The following HSPA14 variants were observed in gnomAD, a reference collection of about 807,000 sequenced individuals.
The protein encoded by HSPA14 is heat shock 70 kDa protein 14.
Under a neutral mutation model 65.5 loss-of-function variants are expected in HSPA14, and 37 were observed. The ratio of observed to expected loss-of-function variants is 0.56; its 90% CI spans 0.43 to 0.74. HSPA14 has a LOEUF of 0.74. HSPA14 is among the 30% of genes least tolerant of loss of function. HSPA14 has a pLI of 0.00. For missense variants in HSPA14, 564 were observed against 607.6 expected, an observed-to-expected ratio of 0.93 and a Z score of 0.75; for synonymous variants, 203 against 214.2, an observed-to-expected ratio of 0.95 and a Z score of 0.46.
At chr10:14,852,607 AT>A (rs1834116915) in intron 8 of HSPA14, 76 bp downstream of exon 8, 4 of 1,182,814 alleles carry the variant, frequency 3.4e-6, no homozygotes, top group Non-Finnish European at 3.5e-6. Context: ...TTCCTAATTT[AT>A]TTTAAGTTAT....
chr10:14,845,576 C>G, intron 3 of HSPA14: 2 of 962,604 alleles, frequency 2.1e-6, no homozygotes, highest in Non-Finnish European at 2.5e-6. Context: ...AGACAAATCA[C>G]TTGCCCTTTT....
At chr10:14,858,361 A>C (rs1021828754) in intron 10 of HSPA14, among the ~76,000 whole-genome samples, 1 of 152,192 alleles carries the variant, frequency 6.6e-6, no homozygotes, top group Admixed American at 6.5e-5. Flanking sequence ...TTTTTGTTAG[A>C]GATTCCCTCT....
At position 14,842,744 on chromosome 10, in the gene HSPA14, A is replaced by C; in HGVS notation, c.221+2587A>C. On this transcript the variant is annotated intron_variant, in intron 3 of 13. Transcript: ENST00000378372. This position sits in a 1 kb window ranked among gnomAD's most constrained non-coding sequence, Gnocchi z 5.2. ...GGCAGCTGATCATCAGCCTATCTTG[A>C]AAACAGTTAAGGCATCAGATGAGGA... 6.5e-7 allele frequency: 1 copy of C among 1,536,578 alleles called. No individual in the cohort carries two copies. The highest frequency in any genetic ancestry group is 8.7e-7 in the Non-Finnish European group (1 of 1,146,988).
In HSPA14 at chr10:14,867,833, G is replaced by A; in HGVS notation, c.1304G>A (p.Ser435Asn). The change falls in exon 12 of 14, where the codon AGC (serine) becomes AAC (asparagine). Residue 435 changes from serine to asparagine, a missense_variant. Physicochemically the swap from Ser to Asn is conservative, Grantham distance 46 (BLOSUM62 1). Coordinates refer to ENST00000378372, the MANE Select transcript of HSPA14 (RefSeq NM_016299.4). ...RRQHTLQAPG[S>N]ISSVCLELYE... ...CAACACACATTGCAAGCCCCTGGAA[G>A]CATATCTTCAGTGTGCCTTGAACTC... The A allele has an allele frequency of 1.2e-6, 2 of 1,614,138 alleles. No homozygotes were observed. The highest frequency in any genetic ancestry group is 1.7e-6 in the Non-Finnish European group (2 of 1,180,010).
Position 14,867,857 on chromosome 10 carries a change from T to G in HSPA14, c.1328T>G (p.Leu443Arg). 6.2e-7 allele frequency: 1 copy of G among 1,614,106 alleles called. No homozygotes were observed. Among genetic ancestry groups the G allele is most frequent in the East Asian group, 2.2e-5 (1 of 44,882 alleles). Reference sequence around the variant, plus strand: ...AGCATATCTTCAGTGTGCCTTGAACTCTATGAGTCTGATGGGAAGAACTCT... The same window carrying G: ...AGCATATCTTCAGTGTGCCTTGAACGCTATGAGTCTGATGGGAAGAACTCT... Reference protein sequence around the residue: ...PGSISSVCLELYESDGKNSAK... With the variant: ...PGSISSVCLERYESDGKNSAK... Residue 443 changes from leucine to arginine, a missense_variant, in exon 12 of 14, where the codon CTC (leucine) becomes CGC (arginine). Coordinates refer to ENST00000378372, the MANE Select transcript of HSPA14 (RefSeq NM_016299.4).
At position 14,849,795 on chromosome 10, in the gene HSPA14, C is replaced by G; in HGVS notation, c.451C>G (p.Gln151Glu). Reference sequence around the variant, plus strand: ...TGTCCCGTTTGATTTTGGAGAAAAGCAAAAAAATGCTCTTGGGTAAGTATA... The same window carrying G: ...TGTCCCGTTTGATTTTGGAGAAAAGGAAAAAAATGCTCTTGGGTAAGTATA... Reference protein sequence around the residue: ...ITVPFDFGEKQKNALGEAARA... With the variant: ...ITVPFDFGEKEKNALGEAARA... Residue 151 changes from glutamine to glutamate, a missense_variant, in exon 6 of 14, where the codon CAA becomes GAA. Physicochemically the swap from Gln to Glu is conservative, Grantham distance 29. Transcript: ENST00000378372. 1.1e-5 allele frequency: 17 copies of G among 1,607,444 alleles called. No homozygotes were observed. The highest frequency in any genetic ancestry group is 1.4e-5 in the Non-Finnish European group (17 of 1,175,920).
At chr10:14,839,105 A>G (rs1025077600) in intron 1 of HSPA14, among the ~76,000 whole-genome samples, 7 of 152,204 alleles carry the variant, frequency 4.6e-5, no homozygotes, top group African/African-American at 9.6e-5. Flanking sequence ...TGCGTGGTCT[A>G]CAGAGGTGGC....
At chr10:14,838,710 C>T in intron 1 of HSPA14, 1 of 467,786 alleles carries the variant, frequency 2.1e-6, no homozygotes, top group South Asian at 3.3e-5. Flanking sequence ...GGCGTCATGG[C>T]GGCGGGATGC....
In HSPA14 at chr10:14,852,478, T is replaced by C. The variant is rs1235257690; in HGVS notation, c.681T>C (p.Gly227=). 7.4e-6 allele frequency: 12 copies of C among 1,614,056 alleles called. No homozygotes were observed. The highest frequency in any genetic ancestry group is 1.0e-5 in the Non-Finnish European group (12 of 1,179,924). The change falls in exon 8 of 14, where the codon GGT becomes GGC. Residue 227 remains glycine (G), a synonymous_variant. Transcript: ENST00000378372. Reference sequence around the variant, plus strand: ...CAACAAACACTGATGATAACATCGGTGGTGCACATTTCACAGAAACCTTAG... The same window carrying C: ...CAACAAACACTGATGATAACATCGGCGGTGCACATTTCACAGAAACCTTAG... ...VLSTNTDDNI[G]GAHFTETLAQ...
intron 8 of HSPA14, among the ~76,000 whole-genome samples, chr10:14,853,084 TAAA>T (rs538080301): frequency 1.4e-5 from 2 of 141,710 alleles, no homozygotes; most frequent in African/African-American, 2.6e-5. Flanking sequence ...ACTGCTGCTC[TAAA>T]AAAAAAAAAA....
intron 12 of HSPA14, among the ~76,000 whole-genome samples, chr10:14,869,180 T>C (rs1175160203): frequency 6.6e-6 from 1 of 152,078 alleles, no homozygotes; most frequent in Admixed American, 6.6e-5. Context: ...GCCTAGCTTT[T>C]TTGAGAAGAC....
chr10:14,838,333 C>A lies in HSPA14; in HGVS notation c.-70C>A. 1 of 1,471,614 alleles carries A rather than the reference C, an allele frequency of 6.8e-7. No homozygotes were observed. Among genetic ancestry groups the A allele is most frequent in the Non-Finnish European group, 9.2e-7 (1 of 1,081,932 alleles). The allele number at this position is 1,471,614 out of a possible 1,614,324, so 91.2% of individuals were successfully genotyped here. A position where few individuals can be genotyped will look rare whatever the true frequency, so the allele number is the denominator to read the frequency against. ...GAAGCTCCGCGGTGCCTGATGGGGC[C>A]GTTGGGCGGCCGGTAGCTGTTGCTG... On this transcript the variant is annotated 5_prime_UTR_variant, in exon 1 of 14. Transcript: ENST00000378372.
At chr10:14,847,538 C>T (rs1458896123) in intron 3 of HSPA14, among the ~76,000 whole-genome samples, 2 of 152,160 alleles carry the variant, frequency 1.3e-5, no homozygotes, top group Admixed American at 6.5e-5. Flanking sequence ...AGCTACTTAC[C>T]TCTTGTCCTA....
intron 3 of HSPA14, chr10:14,843,468 G>A (rs567409809): frequency 4.8e-5 from 74 of 1,550,620 alleles, no homozygotes; most frequent in Non-Finnish European, 6.5e-5. Context: ...GACTGGGTGT[G>A]TCCGGGGAGC....
intron 10 of HSPA14, among the ~76,000 whole-genome samples, chr10:14,859,246 G>A (rs1832732377): frequency 6.6e-6 from 1 of 152,178 alleles, no homozygotes. Context: ...TGAGGGAGAA[G>A]CTGGGGGTGG....
At chr10:14,853,483 C>T (rs574441496) in intron 8 of HSPA14, among the ~76,000 whole-genome samples, 41 of 152,264 alleles carry the variant, frequency 2.7e-4, no homozygotes, top group African/African-American at 9.6e-4. Flanking sequence ...CTCTGTGTCT[C>T]ACCTGGAAAA....
chr10:14,839,806 GT>G, intron 1 of HSPA14, 98 bp from the exon 2 acceptor site: 1 of 755,266 alleles, frequency 1.3e-6, no homozygotes, highest in Non-Finnish European at 2.1e-6. Flanking sequence ...TGAGATAGCA[GT>G]TTTTCTTTCC....
rs1406998267 is a variant in HSPA14, at chr10:14,838,360, T to A, written c.-43T>A. On this transcript the variant is annotated 5_prime_UTR_variant, in exon 1 of 14. Transcript: ENST00000378372. ...TTGGGCGGCCGGTAGCTGTTGCTGT[T>A]GGGGGACCCCCTCATTCCTGCCGCT... 1.3e-6 allele frequency: 2 copies of A among 1,568,238 alleles called. No homozygotes were observed.
At chr10:14,845,146 A>G in intron 3 of HSPA14, 1 of 985,428 alleles carries the variant, frequency 1.0e-6, no homozygotes, top group Non-Finnish European at 1.2e-6. Context: ...CTGGGGAGAG[A>G]TGAAGGTGAT....
Sources: gnomAD v4.1 joint callset for allele counts (sites outside exome capture counted in the v4.1 genomes callset) on GRCh38, gnomAD v4.1.1 for gene constraint, Gnocchi (gnomAD v3.1) non-coding constraint, MANE v1.5 for transcripts, NCBI Gene and HGNC (gene_info 2026-07-23, HGNC 2026-07-21) for gene names.